COBLL1: variants seen among roughly 807,000 people sequenced by gnomAD.
COBLL1 encodes the protein cordon-bleu WH2 repeat protein like 1, also known as cordon-bleu protein-like 1.
A neutral mutation model predicts 94.8 loss-of-function variants in COBLL1; 50 were observed. The observed-to-expected ratio is 0.53, with a 90% CI of 0.42 to 0.67. The LOEUF (loss-of-function observed/expected upper bound fraction) is 0.67, where lower values mean the gene tolerates loss of function less well. Among genes scored for constraint, COBLL1 ranks in the 30% least tolerant of loss-of-function variants. COBLL1 has a pLI of 0.00. For missense variants in COBLL1, 1,362 were observed against 1,348.7 expected (o/e 1.01, Z -0.15); for synonymous variants, 448 against 473.8 (o/e 0.95, Z 0.71).
chr2:164,681,943 A>C lies in COBLL1; in HGVS notation c.*4003T>G, dbSNP rs1683061700. On this transcript the variant is annotated 3_prime_UTR_variant, in exon 14 of 14. Coordinates refer to ENST00000652658, the MANE Select transcript of COBLL1 (RefSeq NM_001365672.2). ...TCTATATGAACAGTCTAACATATTA[A>C]GGATGGAAATTTGCAGGAAAGTGGT... is the stretch of plus-strand genomic sequence containing the variant. 1 of 152,218 alleles carries C rather than the reference A, an allele frequency of 6.6e-6. No individual in the cohort carries two copies. The allele number at this position is 152,218 out of a possible 1,614,324, so 9.4% of individuals were successfully genotyped here.
chr2:164,820,746 T>G (rs1473690314), intron 2 of COBLL1, among the ~76,000 whole-genome samples: 3 of 152,206 alleles, frequency 2.0e-5, no homozygotes, highest in African/African-American at 7.2e-5. Context: ...TCCATGACTT[T>G]GAGGTTCGCA....
intron 3 of COBLL1, among the ~76,000 whole-genome samples, chr2:164,742,602 G>A (rs1686657727): frequency 6.6e-6 from 1 of 152,004 alleles, no homozygotes; most frequent in Admixed American, 6.6e-5. Flanking sequence ...TCTCCAAAGT[G>A]ACTTTCAATA....
At chr2:164,707,360 C>T (rs889492063) in intron 7 of COBLL1, among the ~76,000 whole-genome samples, 18 of 152,062 alleles carry the variant, frequency 1.2e-4, no homozygotes, top group Non-Finnish European at 2.5e-4. Context: ...AGGCTGCTCT[C>T]GAACTCCTGA....
At chr2:164,818,252 A>G (rs1684897532) in intron 2 of COBLL1, among the ~76,000 whole-genome samples, 1 of 149,676 alleles carries the variant, frequency 6.7e-6, no homozygotes, top group Non-Finnish European at 1.5e-5. Context: ...ATACATGTGC[A>G]TATACACATA....
In COBLL1 at chr2:164,722,326, CA is replaced by C; in HGVS notation, c.760-16del. ...GCACTTGCAGTCTAGTAAAGAATGA[CA>C]AAGACAAAATCTAGTAATTTCAAGA... On this transcript the variant is annotated splice_polypyrimidine_tract_variant and intron_variant, in intron 6 of 13. Transcript: ENST00000652658. 6.3e-7 allele frequency: 1 copy of C among 1,594,474 alleles called. No homozygotes were observed. Among genetic ancestry groups the C allele is most frequent in the South Asian group, 1.1e-5 (1 of 88,818 alleles).
intron 2 of COBLL1, among the ~76,000 whole-genome samples, chr2:164,767,801 C>T (rs763625726): frequency 1.3e-5 from 2 of 152,032 alleles, no homozygotes; most frequent in African/African-American, 4.8e-5. Flanking sequence ...ATGAAAACAG[C>T]TCTTCCTGTT....
chr2:164,695,991 G>C, intron 11 of COBLL1, 155 bp from the exon 12 acceptor site: 1 of 616,244 alleles, frequency 1.6e-6, no homozygotes, highest in Non-Finnish European at 2.7e-6. Context: ...AGCATACAGA[G>C]AAAACAGTAC....
chr2:164,789,842 C>T (rs1025420619), intron 2 of COBLL1, among the ~76,000 whole-genome samples: 1 of 152,170 alleles, frequency 6.6e-6, no homozygotes, highest in African/African-American at 2.4e-5. Context: ...TCAGCTAAGG[C>T]TACTGCTTAT....
At chr2:164,707,600 G>C (rs191773272) in intron 7 of COBLL1, among the ~76,000 whole-genome samples, 1 of 152,262 alleles carries the variant, frequency 6.6e-6, no homozygotes, top group East Asian at 1.9e-4. Flanking sequence ...GTTGACCACA[G>C]AGGCAGAGAT....
intron 12 of COBLL1, among the ~76,000 whole-genome samples, chr2:164,693,384 T>C (rs1381120376): frequency 1.3e-5 from 2 of 152,162 alleles, no homozygotes; most frequent in Non-Finnish European, 2.9e-5. Context: ...TTAACATTCT[T>C]TTGCTCTAGG....
In COBLL1 at chr2:164,773,680, A is replaced by G. The variant is rs1008896222; in HGVS notation, c.42-29805T>C. 5.0e-6 allele frequency: 5 copies of G among 993,216 alleles called. No individual in the cohort carries two copies. In the African/African-American group the frequency reaches 6.8e-5, roughly 14 times the overall value. The allele number at this position is 993,216 out of a possible 1,614,324, so 61.5% of individuals were successfully genotyped here. On this transcript the variant is annotated intron_variant, in intron 2 of 13. Coordinates refer to ENST00000652658, the MANE Select transcript of COBLL1 (RefSeq NM_001365672.2). ...GATTAGGAAAGGTTAAATTATTTTA[A>G]AAGTTTTACACAACGTATTTACTTA...
intron 7 of COBLL1, among the ~76,000 whole-genome samples, chr2:164,719,899 C>T (rs1685360486): frequency 6.6e-6 from 1 of 151,424 alleles, no homozygotes; most frequent in Non-Finnish European, 1.5e-5. Flanking sequence ...TTTAGTACCT[C>T]CAAATTTAGA....
chr2:164,824,471 T>G (rs1685336941), intron 2 of COBLL1, among the ~76,000 whole-genome samples: 1 of 152,168 alleles, frequency 6.6e-6, no homozygotes, highest in Non-Finnish European at 1.5e-5. Flanking sequence ...TTTCAAGATA[T>G]TTATTTGGGA....
At chr2:164,689,345 G>A (rs1285895077) in intron 13 of COBLL1, among the ~76,000 whole-genome samples, 1 of 152,086 alleles carries the variant, frequency 6.6e-6, no homozygotes, top group South Asian at 2.1e-4. Flanking sequence ...GAGAAACACA[G>A]AGCCAACTTT....
chr2:164,665,364 A>G (rs1029240542), intron 2 of COBLL1, among the ~76,000 whole-genome samples: 2 of 151,508 alleles, frequency 1.3e-5, no homozygotes, highest in Non-Finnish European at 2.9e-5. Context: ...GAAAGAAAGA[A>G]AGAATGAATA....
Position 164,841,544 on chromosome 2 carries a change from G to A in COBLL1, c.-51+166C>T. 1.2e-6 allele frequency: 1 copy of A among 817,702 alleles called. No individual in the cohort carries two copies. The highest frequency in any genetic ancestry group is 1.6e-6 in the Non-Finnish European group (1 of 643,890). 50.7% of individuals were successfully genotyped at this position (817,702 alleles called of 1,614,324 possible). A position where few individuals can be genotyped will look rare whatever the true frequency, so the allele number is the denominator to read the frequency against. ...CGGAGGGAGAGGAGCCGCCGGGGCT[G>A]GAAAAGGAGGAGGAGCGGGGCCGGG... On this transcript the variant is annotated intron_variant, in intron 1 of 13. Transcript: ENST00000652658. This position sits in a 1 kb window ranked among gnomAD's most constrained non-coding sequence, Gnocchi z 5.5.
intron 2 of COBLL1, among the ~76,000 whole-genome samples, chr2:164,795,944 T>G (rs1443452733): frequency 6.6e-6 from 1 of 152,244 alleles, no homozygotes; most frequent in East Asian, 1.9e-4. Flanking sequence ...GTCTGAAGAG[T>G]GTGCCCCATG....
chr2:164,791,969 G>T (rs1281240058), intron 2 of COBLL1, among the ~76,000 whole-genome samples: 2 of 151,766 alleles, frequency 1.3e-5, no homozygotes, highest in African/African-American at 4.8e-5. Context: ...ATTAAAGTGG[G>T]TCAGATAAGT....
intron 2 of COBLL1, 190 bp downstream of exon 2, chr2:164,840,966 C>G (rs1683570233): frequency 1.9e-6 from 1 of 531,798 alleles, no homozygotes; most frequent in Non-Finnish European, 2.8e-6. Flanking sequence ...AAAAACGACC[C>G]GAGCCCTCCG....
Sources: gnomAD v4.1 joint callset for allele counts (sites outside exome capture counted in the v4.1 genomes callset) on GRCh38, gnomAD v4.1.1 for gene constraint, Gnocchi (gnomAD v3.1) non-coding constraint, MANE v1.5 for transcripts, NCBI Gene and HGNC (gene_info 2026-07-23, HGNC 2026-07-21) for gene names.